ADGRB1: variants seen among roughly 807,000 people sequenced by gnomAD.
The protein encoded by ADGRB1 is brain-specific angiogenesis inhibitor 1.
A neutral mutation model predicts 175.7 loss-of-function variants in ADGRB1; 36 were observed. That is an observed-to-expected ratio of 0.20 (90% CI 0.16 to 0.27). The LOEUF (loss-of-function observed/expected upper bound fraction) is 0.27. Ranked by LOEUF, ADGRB1 falls within the 10% of genes least tolerant of loss-of-function variation. The pLI, the probability that ADGRB1 is intolerant of heterozygous loss-of-function variation, is 1.00. For missense variants in ADGRB1, 1,731 were observed against 2,255.3 expected, an observed-to-expected ratio of 0.77 and a Z score of 4.71; for synonymous variants, 1,054 against 979.4, an observed-to-expected ratio of 1.08 and a Z score of -1.42.
intron 3 of ADGRB1, among the ~76,000 whole-genome samples, chr8:142,476,060 G>A (rs1840956178): frequency 1.3e-5 from 2 of 152,192 alleles, no homozygotes; most frequent in Admixed American, 6.5e-5. Context: ...CTCTGGCCAA[G>A]CCAGCCCGCC....
intron 11 of ADGRB1, among the ~76,000 whole-genome samples, chr8:142,482,447 A>G (rs1211328659): frequency 8.3e-6 from 1 of 120,332 alleles, no homozygotes; most frequent in East Asian, 2.8e-4. Flanking sequence ...CACCTGCTGA[A>G]CCCTGACCTT....
intron 1 of ADGRB1, among the ~76,000 whole-genome samples, chr8:142,452,482 T>TC (rs1458003597): frequency 6.6e-6 from 1 of 152,154 alleles, no homozygotes; most frequent in African/African-American, 2.4e-5. Flanking sequence ...TCGGAGGCCC[T>TC]TCCCTCTCCC....
chr8:142,521,784 C>G (rs1394774282), intron 20 of ADGRB1, among the ~76,000 whole-genome samples, 181 bp from the exon 21 acceptor site: 1 of 152,212 alleles, frequency 6.6e-6, no homozygotes, highest in East Asian at 1.9e-4. Context: ...CTTAGATGGT[C>G]AACAATTCAT....
At chr8:142,479,017 G>A in intron 7 of ADGRB1, 1 of 344,478 alleles carries the variant, frequency 2.9e-6, no homozygotes. Flanking sequence ...GTGGGACTTG[G>A]GGTGTCTGTG....
intron 27 of ADGRB1, chr8:142,539,739 T>G: frequency 4.1e-6 from 2 of 482,958 alleles, no homozygotes; most frequent in African/African-American, 1.9e-5. Flanking sequence ...TCTCTTCCTC[T>G]GTCGTGGCCC....
At chr8:142,484,525 G>A in intron 12 of ADGRB1, 131 bp from the exon 13 acceptor site, 1 of 949,866 alleles carries the variant, frequency 1.1e-6, no homozygotes, top group Non-Finnish European at 1.5e-6. Context: ...GTACTCAGAG[G>A]TCACCAGCCC....
chr8:142,489,392 G>A lies in ADGRB1; in HGVS notation c.2585G>A (p.Arg862His), dbSNP rs777681615. 6.8e-6 allele frequency: 11 copies of A among 1,612,874 alleles called. No individual in the cohort carries two copies. The highest frequency in any genetic ancestry group is 2.2e-5 in the East Asian group (1 of 44,876). The change falls in exon 16 of 31, where the codon CGC becomes CAC. Residue 862 changes from arginine (R) to histidine (H), a missense_variant. Arg to His is a conservative substitution (Grantham distance 29). This residue lies in a region of ADGRB1 where 388 missense variants were observed against 630.9 expected (regional missense o/e 0.61). Transcript: ENST00000517894. ...TCCGTGACTGTGAAACCCCCGCCTC[G>A]CTCCCTGCGCACACCCTTGGAGATC... ...VISVTVKPPP[R>H]SLRTPLEIEF...
chr8:142,526,305 G>A (rs1036725862), intron 23 of ADGRB1, among the ~76,000 whole-genome samples: 2 of 152,214 alleles, frequency 1.3e-5, no homozygotes, highest in African/African-American at 4.8e-5. Context: ...AGGAGTTGCA[G>A]CAGAGGTGCC....
chr8:142,540,738 G>A (rs1216548458), intron 27 of ADGRB1, among the ~76,000 whole-genome samples: 12 of 152,036 alleles, frequency 7.9e-5, no homozygotes, highest in Admixed American at 7.2e-4. Flanking sequence ...GGGGACGTGC[G>A]TCCCGAGAGT....
rs1843465133 is a variant in ADGRB1, at chr8:142,516,666, TCCCAGGTGCATGCCTGTGTGC to T, written c.2818-1471_2818-1451del. 6.5e-5 allele frequency among the ~76,000 whole-genome samples: 7 copies of T among 107,252 alleles called. 1 individual carries two copies. The highest frequency in any genetic ancestry group is 3.9e-4 in the Admixed American group (4 of 10,162). The allele number at this position is 107,252 out of a possible 152,430, so 70.4% of individuals were successfully genotyped here. ...AGGTGTGTGTGTGTGTGTGTGTGGGTCCCAGGTGCATGCCTGTGTGCGGGCCCCAGGTGCGTGCATGTGTGC... is the reference window on the plus strand; with the variant it reads ...AGGTGTGTGTGTGTGTGTGTGTGGGTGGGCCCCAGGTGCGTGCATGTGTGC... On this transcript the variant is annotated intron_variant, in intron 18 of 30. Transcript: ENST00000517894.
At chr8:142,499,525 C>T (rs11167147) in intron 17 of ADGRB1, among the ~76,000 whole-genome samples, 92,784 of 152,118 alleles carry the variant, frequency 0.61, 31,258 homozygotes, top group East Asian at 0.81. Flanking sequence ...GAGCATGCAC[C>T]GGCTATGAAG....
At chr8:142,500,237 C>G (rs555715412) in intron 17 of ADGRB1, among the ~76,000 whole-genome samples, 6 of 132,410 alleles carry the variant, frequency 4.5e-5, no homozygotes, top group Non-Finnish European at 8.3e-5. Flanking sequence ...GCTCCTCCAC[C>G]TCCCCACGCG....
At chr8:142,456,521 TCACA>T (rs201350827) in intron 1 of ADGRB1, among the ~76,000 whole-genome samples, 12 of 151,624 alleles carry the variant, frequency 7.9e-5, no homozygotes, top group Admixed American at 4.6e-4. Flanking sequence ...CCCCACTCGC[TCACA>T]CACACACACC....
chr8:142,533,173 C>T (rs1418531477), intron 24 of ADGRB1, 122 bp from the exon 25 acceptor site: 1 of 1,163,704 alleles, frequency 8.6e-7, no homozygotes. Flanking sequence ...GCCCAGGCCC[C>T]CAGAGACAGA....
At chr8:142,538,153 G>A (rs1359716996) in intron 26 of ADGRB1, among the ~76,000 whole-genome samples, 2 of 152,208 alleles carry the variant, frequency 1.3e-5, no homozygotes, top group Non-Finnish European at 2.9e-5. Context: ...CCTCCAGGGA[G>A]CCCTCCTTGA....
At chr8:142,498,130 A>T (rs1842310185) in intron 17 of ADGRB1, among the ~76,000 whole-genome samples, 1 of 151,986 alleles carries the variant, frequency 6.6e-6, no homozygotes, top group South Asian at 2.1e-4. Flanking sequence ...CACGTGCTCC[A>T]GGCTGTCTCT....
In ADGRB1 at chr8:142,464,936, C is replaced by T. The variant is rs1390667541; in HGVS notation, c.738C>T (p.Asn246=). ...LRDAVAGGPE[N]CLTSLTQDRG... ...ATGCGGTGGCTGGTGGCCCTGAAAA[C>T]TGCCTCACCAGCCTGACCCAGGACC... is the stretch of plus-strand genomic sequence containing the variant. The change falls in exon 2 of 31, where the codon AAC becomes AAT. Residue 246 remains asparagine (N), a synonymous_variant. Coordinates refer to ENST00000517894, the MANE Select transcript of ADGRB1 (RefSeq NM_001702.3). The T allele has an allele frequency of 5.2e-6, 8 of 1,529,432 alleles. No individual in the cohort carries two copies. The highest frequency in any genetic ancestry group is 6.1e-6 in the Non-Finnish European group (7 of 1,143,448). 94.7% of individuals were successfully genotyped at this position (1,529,432 alleles called of 1,614,324 possible). A position where few individuals can be genotyped will look rare whatever the true frequency, so the allele number is the denominator to read the frequency against.
intron 17 of ADGRB1, among the ~76,000 whole-genome samples, chr8:142,499,686 G>A (rs1259512530): frequency 6.6e-6 from 1 of 152,234 alleles, no homozygotes; most frequent in Non-Finnish European, 1.5e-5. Flanking sequence ...GCCTCCGGGG[G>A]CCCCTTGCCT....
At chr8:142,469,386 T>G (rs1361988269) in intron 2 of ADGRB1, among the ~76,000 whole-genome samples, 1 of 146,964 alleles carries the variant, frequency 6.8e-6, no homozygotes, top group African/African-American at 2.5e-5. Context: ...AATGTGGGAG[T>G]GTGTATGTGC....
Sources: allele counts gnomAD v4.1 joint callset (sites outside exome capture counted in the v4.1 genomes callset), GRCh38; gene constraint gnomAD v4.1.1; regional missense constraint gnomAD v4.1.1; transcripts MANE v1.5; gene names NCBI Gene and HGNC (gene_info 2026-07-23, HGNC 2026-07-21).